The following ACER3 variants were observed in gnomAD, a reference collection of about 807,000 sequenced individuals.
The protein encoded by ACER3 is alkaline ceramidase 3.
A neutral mutation model predicts 48.9 loss-of-function variants in ACER3; 16 were observed. That is an observed-to-expected ratio of 0.33 (90% confidence interval 0.22 to 0.50). The LOEUF is 0.50. Ranked by LOEUF, ACER3 falls within the 20% of genes least tolerant of loss-of-function variation. ACER3 has a pLI of 0.98. For missense variants in ACER3, 227 were observed against 326.0 expected, an observed-to-expected ratio of 0.70 and a Z score of 2.34; for synonymous variants, 109 against 107.8, an observed-to-expected ratio of 1.01 and a Z score of -0.07.
intron 6 of ACER3, among the ~76,000 whole-genome samples, chr11:76,997,439 G>A (rs1948938785): frequency 6.6e-6 from 1 of 152,126 alleles, no homozygotes; most frequent in Non-Finnish European, 1.5e-5. Context: ...TTCACCATTT[G>A]TAGCAGTATA....
At chr11:76,918,408 T>G (rs990857222) in intron 1 of ACER3, among the ~76,000 whole-genome samples, 2 of 152,100 alleles carry the variant, frequency 1.3e-5, no homozygotes, top group African/African-American at 2.4e-5. Context: ...TCTTTGTTAC[T>G]GGCCTGGATT....
rs1023281353 is a variant in ACER3 at position 76,920,777 on chromosome 11, C to T, written c.104-5780C>T. Among the ~76,000 whole-genome samples, 7 of 151,960 alleles carry T rather than the reference C, an allele frequency of 4.6e-5. No individual in the cohort carries two copies. The South Asian group carries it at 1.5e-3, about 32-fold the overall frequency. On this transcript the variant is annotated intron_variant, in intron 1 of 10. Coordinates refer to ENST00000532485, the MANE Select transcript of ACER3 (RefSeq NM_018367.7). ...TCAGCCTTCTGAGCAGCTAAGACCACGGGCAAGTGCCACTATGCCTGGCTA... is the reference window on the plus strand; with the variant it reads ...TCAGCCTTCTGAGCAGCTAAGACCATGGGCAAGTGCCACTATGCCTGGCTA...
chr11:76,938,290 C>T (rs1947249107), intron 2 of ACER3, among the ~76,000 whole-genome samples: 1 of 152,068 alleles, frequency 6.6e-6, no homozygotes, highest in Admixed American at 6.6e-5. Flanking sequence ...GCTGAGATTA[C>T]AGGCTTGACC....
chr11:76,947,398 T>A (rs1947505711), intron 2 of ACER3, among the ~76,000 whole-genome samples: 1 of 152,174 alleles, frequency 6.6e-6, no homozygotes, highest in Non-Finnish European at 1.5e-5. Flanking sequence ...TTAATTAAGT[T>A]TAGTGTGATC....
intron 3 of ACER3, among the ~76,000 whole-genome samples, chr11:76,974,715 G>A (rs1427384250): frequency 6.6e-6 from 1 of 151,894 alleles, no homozygotes; most frequent in Non-Finnish European, 1.5e-5. Context: ...GCCCAACATT[G>A]TTCAAACTTA....
At chr11:76,943,119 C>T (rs1224784284) in intron 2 of ACER3, among the ~76,000 whole-genome samples, 1 of 151,938 alleles carries the variant, frequency 6.6e-6, no homozygotes, top group Non-Finnish European at 1.5e-5. Flanking sequence ...AAAGAACCAA[C>T]TTTTCATTTT....
chr11:76,882,776 C>T (rs928005870), intron 1 of ACER3, among the ~76,000 whole-genome samples: 1 of 152,178 alleles, frequency 6.6e-6, no homozygotes, highest in Non-Finnish European at 1.5e-5. Context: ...GTTGTTTTAA[C>T]TGGCATTTAG....
intron 1 of ACER3, among the ~76,000 whole-genome samples, chr11:76,889,262 G>A (rs1449389767): frequency 6.6e-6 from 1 of 151,848 alleles, no homozygotes; most frequent in Non-Finnish European, 1.5e-5. Context: ...TACTGTATTA[G>A]TTTTCAGTTG....
At chr11:76,866,004 T>C (rs1266987771) in intron 1 of ACER3, among the ~76,000 whole-genome samples, 1 of 147,254 alleles carries the variant, frequency 6.8e-6, no homozygotes, top group African/African-American at 2.5e-5. Context: ...TTTTTTTTTT[T>C]TGGTAGAGAT....
intron 1 of ACER3, among the ~76,000 whole-genome samples, chr11:76,867,633 G>A (rs1247123902): frequency 6.6e-6 from 1 of 152,032 alleles, no homozygotes; most frequent in Non-Finnish European, 1.5e-5. Flanking sequence ...ATATTATGAT[G>A]AAGGGTTTAT....
chr11:77,004,923 A>T (rs1949101905), intron 7 of ACER3, among the ~76,000 whole-genome samples: 2 of 152,088 alleles, frequency 1.3e-5, no homozygotes, highest in Admixed American at 1.3e-4. Flanking sequence ...ATATGAATAC[A>T]ATTATTAATA....
intron 1 of ACER3, among the ~76,000 whole-genome samples, chr11:76,886,149 T>C (rs1158094752): frequency 6.6e-6 from 1 of 152,228 alleles, no homozygotes; most frequent in East Asian, 1.9e-4. Flanking sequence ...TGGTGGCATC[T>C]GGCATAAGCC....
chr11:76,884,615 T>C (rs1945626602), intron 1 of ACER3, among the ~76,000 whole-genome samples: 1 of 152,244 alleles, frequency 6.6e-6, no homozygotes. Context: ...TGTATTAAAA[T>C]CTTCTACCAT....
chr11:76,955,558 G>A (rs752460618), intron 2 of ACER3: 1 of 152,308 alleles, frequency 6.6e-6, no homozygotes, highest in Non-Finnish European at 1.5e-5. Context: ...TTCTTGCTGT[G>A]TCTCACATGG....
intron 9 of ACER3, 49 bp downstream of exon 9, chr11:77,016,828 T>C: frequency 9.5e-7 from 1 of 1,056,414 alleles, no homozygotes; most frequent in Non-Finnish European, 1.4e-6. Context: ...TGTTGTTTTT[T>C]TTTTTCTTTA....
intron 1 of ACER3, among the ~76,000 whole-genome samples, chr11:76,917,068 T>G (rs934832506): frequency 2.6e-5 from 4 of 152,190 alleles, no homozygotes; most frequent in African/African-American, 9.7e-5. Context: ...TACAATGTAC[T>G]TCCTCTTGAA....
chr11:76,960,692 C>G (rs1947966582), intron 3 of ACER3, among the ~76,000 whole-genome samples: 1 of 152,122 alleles, frequency 6.6e-6, no homozygotes, highest in Non-Finnish European at 1.5e-5. Context: ...AAGAGAGTGT[C>G]AACATAGGGG....
At chr11:76,958,881 C>T in intron 2 of ACER3, 98 bp from the exon 3 acceptor site, 1 of 1,346,002 alleles carries the variant, frequency 7.4e-7, no homozygotes, top group East Asian at 2.3e-5. Context: ...ACTTCATTAT[C>T]CTTAACTCAA....
intron 1 of ACER3, among the ~76,000 whole-genome samples, chr11:76,887,415 G>A (rs564045587): frequency 6.6e-6 from 1 of 152,288 alleles, no homozygotes; most frequent in African/African-American, 2.4e-5. Flanking sequence ...GAGACTGCTT[G>A]AAGTAAATTT....
Sources: gnomAD v4.1 joint callset for allele counts (sites outside exome capture counted in the v4.1 genomes callset) on GRCh38, gnomAD v4.1.1 for gene constraint, MANE v1.5 for transcripts, NCBI Gene and HGNC (gene_info 2026-07-23, HGNC 2026-07-21) for gene names.